Variants in FRMPD4 observed in about 807,000 individuals in gnomAD.
The protein encoded by FRMPD4 is FERM and PDZ domain-containing protein 4.
Under a neutral mutation model 94.1 loss-of-function variants are expected in FRMPD4, and 22 were observed. That is an observed-to-expected ratio of 0.23 (90% CI 0.17 to 0.33). The LOEUF is 0.33. Among genes scored for constraint, FRMPD4 ranks in the 10% least tolerant of loss-of-function variants. FRMPD4 has a pLI of 1.00. For missense variants in FRMPD4, 1,111 were observed against 1,339.9 expected, an observed-to-expected ratio of 0.83 and a Z score of 2.67; for synonymous variants, 631 against 548.6, an observed-to-expected ratio of 1.15 and a Z score of -2.10.
At chrX:12,416,300 C>T (rs1259898888) in intron 1 of FRMPD4, among the ~76,000 whole-genome samples, 1 of 110,835 alleles carries the variant, frequency 9.0e-6, no homozygotes, top group Non-Finnish European at 1.9e-5. Context: ...CCTTAAATTC[C>T]TTAAAGGAAA....
intron 3 of FRMPD4, among the ~76,000 whole-genome samples, chrX:12,125,972 A>T (rs1371101483): frequency 8.9e-6 from 1 of 111,866 alleles, no homozygotes; most frequent in Non-Finnish European, 1.9e-5. Context: ...AGCCCACTCA[A>T]CAAGATCCAC....
intron 14 of FRMPD4, among the ~76,000 whole-genome samples, chrX:12,712,494 A>G (rs1430877040): frequency 9.0e-6 from 1 of 111,558 alleles, no homozygotes; most frequent in Non-Finnish European, 1.9e-5. Flanking sequence ...CGCGGCTGTG[A>G]GCTATGACTA....
At chrX:12,335,467 C>G (rs1024739561) in intron 1 of FRMPD4, among the ~76,000 whole-genome samples, 2 of 111,682 alleles carry the variant, frequency 1.8e-5, no homozygotes, top group African/African-American at 3.3e-5. Flanking sequence ...TTTAAAAAAG[C>G]TTTCTTAGTT....
intron 1 of FRMPD4, among the ~76,000 whole-genome samples, chrX:12,355,323 G>A (rs934322098): frequency 2.7e-4 from 30 of 110,816 alleles, no homozygotes; most frequent in African/African-American, 9.2e-4. Flanking sequence ...CTACAGGCGT[G>A]TGCCACCACT....
chrX:12,690,892 AC>A (rs1238214084), intron 8 of FRMPD4, among the ~76,000 whole-genome samples: 1 of 111,759 alleles, frequency 8.9e-6, no homozygotes, highest in Non-Finnish European at 1.9e-5. Flanking sequence ...TCAGCGCAGC[AC>A]CCTGATTTTT....
At chrX:12,253,659 T>C (rs1338870415) in intron 1 of FRMPD4, among the ~76,000 whole-genome samples, 2 of 111,934 alleles carry the variant, frequency 1.8e-5, no homozygotes, top group African/African-American at 6.5e-5. Flanking sequence ...ATAATGTGTG[T>C]GTAGTGTAAT....
chrX:12,523,649 A>G (rs2058188067), intron 2 of FRMPD4, among the ~76,000 whole-genome samples: 1 of 111,507 alleles, frequency 9.0e-6, no homozygotes, highest in Non-Finnish European at 1.9e-5. Flanking sequence ...TAAAATGAGC[A>G]TAATTGTACT....
At chrX:12,565,936 A>G (rs770752871) in intron 2 of FRMPD4, among the ~76,000 whole-genome samples, 1 of 112,075 alleles carries the variant, frequency 8.9e-6, no homozygotes, top group East Asian at 2.8e-4. Flanking sequence ...GCTTTAACTC[A>G]TTTGTTCTAA....
At chrX:12,123,394 T>C in intron 3 of FRMPD4, among the ~76,000 whole-genome samples, 1 of 111,375 alleles carries the variant, frequency 9.0e-6, no homozygotes, top group African/African-American at 3.3e-5. Context: ...CACCTTGGCC[T>C]CCCAAAATTC....
Position 12,229,224 on chromosome X carries a change from G to A in FRMPD4, c.41+90212G>A, listed in dbSNP as rs536998150. Among the ~76,000 whole-genome samples the A allele has an allele frequency of 1.3e-4, 15 of 111,398 alleles. No individual in the cohort carries two copies. The South Asian group carries it at 5.3e-3, about 39-fold the overall frequency. The stretch of plus-strand genomic sequence containing the variant: ...CAAAGGTTGTTTGCTTTTTTTTCCC[G>A]AGTCATGTCATCTCTTTGTGTTTCA... On this transcript the variant is annotated intron_variant, in intron 1 of 16. Coordinates refer to ENST00000675598, the MANE Select transcript of FRMPD4 (RefSeq NM_001368397.1).
chrX:12,335,686 C>T (rs892605102), intron 1 of FRMPD4, among the ~76,000 whole-genome samples: 4 of 111,349 alleles, frequency 3.6e-5, no homozygotes, highest in Non-Finnish European at 5.6e-5. Context: ...ACTGAGTATA[C>T]TAGTTACCTG....
At chrX:12,333,317 GT>G (rs200685306) in intron 1 of FRMPD4, among the ~76,000 whole-genome samples, 164 of 108,738 alleles carry the variant, frequency 1.5e-3, no homozygotes, top group East Asian at 0.012. Flanking sequence ...CATTTAAAAT[GT>G]TTTTTTTTAA....
intron 3 of FRMPD4, among the ~76,000 whole-genome samples, chrX:11,972,692 C>A (rs1008228448): frequency 2.7e-5 from 3 of 112,198 alleles, no homozygotes; most frequent in African/African-American, 9.7e-5. Flanking sequence ...AATACCTATT[C>A]TTTGCAGTGT....
At chrX:12,394,273 CTG>C (rs1216519520) in intron 1 of FRMPD4, among the ~76,000 whole-genome samples, 2 of 111,362 alleles carry the variant, frequency 1.8e-5, no homozygotes, top group African/African-American at 6.5e-5. Flanking sequence ...CCATATATCT[CTG>C]TGCTGAAGCT....
At chrX:12,162,121 C>T (rs2056036730) in intron 1 of FRMPD4, among the ~76,000 whole-genome samples, 1 of 112,148 alleles carries the variant, frequency 8.9e-6, no homozygotes, top group Non-Finnish European at 1.9e-5. Context: ...AAAAAGTCTG[C>T]ATCGTGGAAG....
chrX:12,101,216 G>T (rs1175378891), intron 3 of FRMPD4, among the ~76,000 whole-genome samples: 1 of 111,111 alleles, frequency 9.0e-6, no homozygotes, highest in Non-Finnish European at 1.9e-5. Flanking sequence ...TATATCCATT[G>T]ATGGTCATCT....
chrX:12,583,965 G>C (rs947886390), intron 2 of FRMPD4, among the ~76,000 whole-genome samples: 3 of 111,702 alleles, frequency 2.7e-5, no homozygotes, highest in African/African-American at 9.8e-5. Flanking sequence ...AGGAGGGTCC[G>C]TATCCCCTCG....
rs191140142 is a variant in FRMPD4 at position 11,899,702 on chromosome X, T to G, written c.95+21684T>G. 2.8e-3 allele frequency among the ~76,000 whole-genome samples: 308 copies of G among 111,974 alleles called. 3 individuals are homozygous for G. Among genetic ancestry groups the G allele is most frequent in the African/African-American group, 9.6e-3 (295 of 30,873 alleles). ...CAACAATAATGAGCATAATTTCAAC[T>G]GAACAATATTGCTGTTTTTCACCAA... On this transcript the variant is annotated intron_variant, in intron 3 of 18. Transcript: ENST00000640291.
chrX:12,062,894 T>C (rs1183924421), intron 3 of FRMPD4, among the ~76,000 whole-genome samples: 1 of 111,607 alleles, frequency 9.0e-6, no homozygotes, highest in Non-Finnish European at 1.9e-5. Context: ...GTTATAGCCA[T>C]TTCCCAATGT....
Sources: gnomAD v4.1 joint callset for allele counts (sites outside exome capture counted in the v4.1 genomes callset) on GRCh38, gnomAD v4.1.1 for gene constraint, MANE v1.5 for transcripts, NCBI Gene and HGNC (gene_info 2026-07-23, HGNC 2026-07-21) for gene names.